Variants in STK33 observed in about 807,000 individuals in gnomAD.
The protein encoded by STK33 is serine/threonine kinase 33, also known as serine/threonine-protein kinase 33.
Under a neutral mutation model 58.0 loss-of-function variants are expected in STK33, and 52 were observed. The ratio of observed to expected loss-of-function variants is 0.90; its 90% CI spans 0.72 to 1.13. STK33 has a LOEUF of 1.13. STK33 is among the 50% of genes most tolerant of loss of function. STK33 has a pLI of 0.00. For synonymous variants in STK33, 215 were observed against 200.1 expected, an observed-to-expected ratio of 1.07 and a Z score of -0.63; for missense variants, 630 against 604.2, an observed-to-expected ratio of 1.04 and a Z score of -0.45.
intron 1 of STK33, among the ~76,000 whole-genome samples, chr11:8,514,794 C>A (rs1952630296): frequency 6.6e-6 from 1 of 152,092 alleles, no homozygotes; most frequent in South Asian, 2.1e-4. Context: ...GTCTGGCAAA[C>A]AATTTAATTT....
chr11:8,451,180 T>C (rs1230959251), intron 11 of STK33, among the ~76,000 whole-genome samples: 1 of 152,164 alleles, frequency 6.6e-6, no homozygotes, highest in Non-Finnish European at 1.5e-5. Flanking sequence ...TCATAAAAAA[T>C]TAAACATAAA....
At chr11:8,406,671 A>T (rs1341718225) in intron 15 of STK33, among the ~76,000 whole-genome samples, 1 of 152,180 alleles carries the variant, frequency 6.6e-6, no homozygotes, top group Non-Finnish European at 1.5e-5. Flanking sequence ...TTCACTGCGA[A>T]TATATAACAA....
chr11:8,354,474 T>TCACACACACACA, the STK33 span, among the ~76,000 whole-genome samples: 1,807 of 124,678 alleles, frequency 0.014, 39 homozygotes, highest in South Asian at 0.03. Flanking sequence ...CTGCAAAACC[T>TCACACACACACA]CACACACACA....
chr11:8,522,981 A>ACGGGGTTT (rs1329659594), intron 1 of STK33, among the ~76,000 whole-genome samples: 1 of 152,014 alleles, frequency 6.6e-6, no homozygotes, highest in Non-Finnish European at 1.5e-5. Context: ...TTTGGTGGAG[A>ACGGGGTTT]CGGGGTTTCG....
intron 1 of STK33, among the ~76,000 whole-genome samples, chr11:8,576,092 G>A (rs1368954240): frequency 6.6e-6 from 1 of 151,970 alleles, no homozygotes; most frequent in Non-Finnish European, 1.5e-5. Context: ...TGTGCCAGAG[G>A]GCAGCAAACA....
intron 1 of STK33, among the ~76,000 whole-genome samples, chr11:8,588,902 T>C (rs927552183): frequency 6.6e-6 from 1 of 152,192 alleles, no homozygotes; most frequent in South Asian, 2.1e-4. Flanking sequence ...CATATCTTCA[T>C]ATTAACACAT....
Position 8,562,585 on chromosome 11 carries a change from G to C in STK33, c.-466+31498C>G, listed in dbSNP as rs78580242. On this transcript the variant is annotated intron_variant, in intron 1 of 15. Transcript: ENST00000687296. The stretch of plus-strand genomic sequence containing the variant: ...ACTCTTAGATTCTAGTCCATAGCTA[G>C]GAACTGAGCCATTTCCTAGTTTCAC... 5.7e-3 allele frequency among the ~76,000 whole-genome samples: 862 copies of C among 152,152 alleles called. 5 individuals are homozygous for C. The highest frequency in any genetic ancestry group is 0.02 in the African/African-American group (816 of 41,542).
chr11:8,363,245 C>T, the STK33 span, among the ~76,000 whole-genome samples: 27 of 152,178 alleles, frequency 1.8e-4, no homozygotes, highest in African/African-American at 5.3e-4. Context: ...GGAATACTGT[C>T]AAATTCTTGA....
At chr11:8,350,254 G>A in the STK33 span, among the ~76,000 whole-genome samples, 1 of 152,206 alleles carries the variant, frequency 6.6e-6, no homozygotes, top group Non-Finnish European at 1.5e-5. Flanking sequence ...GCAGGGGCAG[G>A]AGCAGGGCCC....
At chr11:8,523,216 CGTCTGGGAAGTGAG>C (rs1258665940) in intron 1 of STK33, among the ~76,000 whole-genome samples, 1 of 152,086 alleles carries the variant, frequency 6.6e-6, no homozygotes, top group Admixed American at 6.6e-5. Flanking sequence ...GCCGCCACCC[CGTCTGGGAAGTGAG>C]GAGCGTCTCT....
intron 1 of STK33, among the ~76,000 whole-genome samples, chr11:8,532,987 A>C (rs1167618821): frequency 2.6e-5 from 4 of 152,252 alleles, no homozygotes; most frequent in African/African-American, 9.6e-5. Context: ...TGTGATTTTT[A>C]TCAGAGTATA....
intron 1 of STK33, among the ~76,000 whole-genome samples, chr11:8,512,148 A>T (rs1256180596): frequency 6.6e-6 from 1 of 152,192 alleles, no homozygotes; most frequent in Non-Finnish European, 1.5e-5. Context: ...TTGGGTCAAT[A>T]ATCTATAGAT....
intron 1 of STK33, among the ~76,000 whole-genome samples, chr11:8,520,699 AACAG>A (rs1336380638): frequency 6.6e-6 from 1 of 151,228 alleles, no homozygotes; most frequent in Non-Finnish European, 1.5e-5. Context: ...ATATACCAAT[AACAG>A]ACAAACAGAC....
At chr11:8,483,101 T>C (rs1363435554) in intron 1 of STK33, among the ~76,000 whole-genome samples, 1 of 152,156 alleles carries the variant, frequency 6.6e-6, no homozygotes, top group Non-Finnish European at 1.5e-5. Flanking sequence ...TAGTACTTTG[T>C]CTGACACATA....
At chr11:8,463,486 G>A (rs933746008) in intron 7 of STK33, among the ~76,000 whole-genome samples, 2 of 152,090 alleles carry the variant, frequency 1.3e-5, no homozygotes, top group African/African-American at 2.4e-5. Flanking sequence ...AACAGGCCAC[G>A]GACAGGTACC....
At position 8,436,012 on chromosome 11, in the gene STK33, C is replaced by A; in HGVS notation, c.1060+15G>T. 7.2e-7 allele frequency: 1 copy of A among 1,397,764 alleles called. No homozygotes were observed. The highest frequency in any genetic ancestry group is 1.6e-5 in the South Asian group (1 of 64,368). The allele number at this position is 1,397,764 out of a possible 1,614,324, so 86.6% of individuals were successfully genotyped here. A position where few individuals can be genotyped will look rare whatever the true frequency, so the allele number is the denominator to read the frequency against. On this transcript the variant is annotated intron_variant, in intron 13 of 15. Coordinates refer to ENST00000687296, the MANE Select transcript of STK33 (RefSeq NM_001352389.2). The stretch of plus-strand genomic sequence containing the variant: ...TTATATTAGCTTTAGTAAATAATAA[C>A]GCATCTATACTTACCACAGTCACTT...
chr11:8,565,887 C>A (rs1483552651), intron 1 of STK33: 1 of 152,254 alleles, frequency 6.6e-6, no homozygotes, highest in Admixed American at 6.5e-5. Flanking sequence ...AACTTACAAA[C>A]TCTGCCGACC....
chr11:8,433,319 G>A (rs1471773647), intron 14 of STK33, among the ~76,000 whole-genome samples: 1 of 152,160 alleles, frequency 6.6e-6, no homozygotes, highest in Non-Finnish European at 1.5e-5. Flanking sequence ...AATTTAAAAG[G>A]AGAGTGATAT....
intron 1 of STK33, among the ~76,000 whole-genome samples, chr11:8,518,796 C>T (rs1204043401): frequency 5.3e-5 from 8 of 152,118 alleles, no homozygotes; most frequent in Admixed American, 5.2e-4. Context: ...AGCTAACTTC[C>T]TAAATATATA....
Sources: allele counts gnomAD v4.1 joint callset (sites outside exome capture counted in the v4.1 genomes callset), GRCh38; gene constraint gnomAD v4.1.1; transcripts MANE v1.5; gene names NCBI Gene and HGNC (gene_info 2026-07-23, HGNC 2026-07-21).